CLEC16A: variants seen among roughly 807,000 people sequenced by gnomAD.
CLEC16A encodes C-type lectin domain containing 16A.
A neutral mutation model predicts 109.5 loss-of-function variants in CLEC16A; 51 were observed. The ratio of observed to expected loss-of-function variants is 0.47; its 90% CI spans 0.37 to 0.59. The LOEUF is 0.59. CLEC16A is among the 20% of genes least tolerant of loss of function. CLEC16A has a pLI of 0.00. For missense variants in CLEC16A, 1,339 were observed against 1,394.0 expected (o/e 0.96, Z 0.63); for synonymous variants, 673 against 564.2 (o/e 1.19, Z -2.73).
At chr16:11,128,431 G>A (rs1385674497) in intron 22 of CLEC16A, among the ~76,000 whole-genome samples, 2 of 152,194 alleles carry the variant, frequency 1.3e-5, no homozygotes, top group Non-Finnish European at 2.9e-5. Context: ...CTGGTCCCAG[G>A]GTCAGCAAGT....
chr16:11,029,629 T>A (rs1397578022), intron 13 of CLEC16A, among the ~76,000 whole-genome samples: 1 of 152,240 alleles, frequency 6.6e-6, no homozygotes, highest in Non-Finnish European at 1.5e-5. Context: ...CAGAGTCTGA[T>A]AACCATTGTT....
At chr16:10,992,389 GT>G (rs1319938956) in intron 10 of CLEC16A, among the ~76,000 whole-genome samples, 1 of 151,960 alleles carries the variant, frequency 6.6e-6, no homozygotes, top group Non-Finnish European at 1.5e-5. Flanking sequence ...GGAAGACAGA[GT>G]TTTGAATGTT....
intron 22 of CLEC16A, among the ~76,000 whole-genome samples, chr16:11,133,793 T>C (rs999411780): frequency 2.0e-5 from 3 of 152,084 alleles, no homozygotes; most frequent in African/African-American, 7.2e-5. Flanking sequence ...AAAAATACCC[T>C]TTCTGGAGTC....
chr16:11,133,352 A>G (rs28393710), intron 22 of CLEC16A, among the ~76,000 whole-genome samples: 5,974 of 151,090 alleles, frequency 0.04, 379 homozygotes, highest in African/African-American at 0.14. Flanking sequence ...AAAAAAAAAA[A>G]ATTTTTTTTT....
intron 19 of CLEC16A, among the ~76,000 whole-genome samples, chr16:11,090,197 G>T (rs2050227451): frequency 6.6e-6 from 1 of 152,206 alleles, no homozygotes; most frequent in African/African-American, 2.4e-5. Flanking sequence ...GGCTGCGTCA[G>T]TCATGGGAGT....
chr16:11,176,620 C>G (rs2068756947), intron 23 of CLEC16A, among the ~76,000 whole-genome samples: 1 of 152,098 alleles, frequency 6.6e-6, no homozygotes, highest in African/African-American at 2.4e-5. Flanking sequence ...GGCCTGTAGT[C>G]CCAGCTACTC....
At chr16:10,949,174 C>T (rs2041593940) in intron 1 of CLEC16A, among the ~76,000 whole-genome samples, 1 of 152,194 alleles carries the variant, frequency 6.6e-6, no homozygotes, top group Non-Finnish European at 1.5e-5. Context: ...AGACGCACAC[C>T]TACTCTTGGT....
At chr16:10,948,496 A>C (rs1460500091) in intron 1 of CLEC16A, among the ~76,000 whole-genome samples, 2 of 152,214 alleles carry the variant, frequency 1.3e-5, no homozygotes, top group African/African-American at 4.8e-5. Context: ...ACATTGACTG[A>C]CAAATGTCCA....
chr16:11,133,512 G>C (rs1446715192), intron 22 of CLEC16A, among the ~76,000 whole-genome samples: 1 of 152,146 alleles, frequency 6.6e-6, no homozygotes, highest in Non-Finnish European at 1.5e-5. Context: ...GCCCTTGGCA[G>C]CTGAGTAACT....
chr16:11,159,917 C>T (rs955083352), intron 22 of CLEC16A, among the ~76,000 whole-genome samples: 1 of 152,162 alleles, frequency 6.6e-6, no homozygotes, highest in African/African-American at 2.4e-5. Flanking sequence ...TAAGCCATCT[C>T]AAACCCTTCC....
chr16:11,105,557 C>T (rs1043019899), intron 19 of CLEC16A, among the ~76,000 whole-genome samples: 4 of 152,216 alleles, frequency 2.6e-5, no homozygotes, highest in East Asian at 1.9e-4. Context: ...AAACCAGTCA[C>T]CTCATTTTAC....
At chr16:11,132,127 A>G (rs1043861049) in intron 22 of CLEC16A, among the ~76,000 whole-genome samples, 1 of 152,146 alleles carries the variant, frequency 6.6e-6, no homozygotes, top group East Asian at 1.9e-4. Context: ...ATTCAGTGGC[A>G]TTTAGAACCT....
chr16:11,079,629 T>C (rs2049589321), intron 19 of CLEC16A, among the ~76,000 whole-genome samples: 1 of 152,246 alleles, frequency 6.6e-6, no homozygotes, highest in South Asian at 2.1e-4. Context: ...TACCCTGGCC[T>C]TTGAATTTTA....
At chr16:11,082,286 G>A (rs757375178) in intron 19 of CLEC16A, among the ~76,000 whole-genome samples, 1 of 152,230 alleles carries the variant, frequency 6.6e-6, no homozygotes, top group African/African-American at 2.4e-5. Flanking sequence ...CTCGTGGACA[G>A]TTTCTCACCC....
chr16:10,953,107 A>G (rs2041815475), intron 1 of CLEC16A, among the ~76,000 whole-genome samples: 1 of 152,246 alleles, frequency 6.6e-6, no homozygotes, highest in Admixed American at 6.5e-5. Flanking sequence ...AGAAGTTGGA[A>G]GACTTAATTA....
chr16:10,951,162 G>C (rs925743269), intron 1 of CLEC16A, among the ~76,000 whole-genome samples: 5 of 152,134 alleles, frequency 3.3e-5, no homozygotes, highest in Admixed American at 3.3e-4. Context: ...GAGTGTGTTG[G>C]TTACAGTTTC....
chr16:10,974,958 C>T lies in CLEC16A; in HGVS notation c.728+1897C>T, dbSNP rs559384427. Among the ~76,000 whole-genome samples, 3 of 152,264 alleles carry T rather than the reference C, an allele frequency of 2.0e-5. No individual in the cohort carries two copies. The East Asian group carries it at 5.8e-4, about 29-fold the overall frequency. The stretch of plus-strand genomic sequence containing the variant: ...GGTCAATAGATAATACCTAAAATGG[C>T]TCAATTGCAAAATAGGAGTCCATGC... On this transcript the variant is annotated intron_variant, in intron 7 of 23. Transcript: ENST00000409790.
At chr16:10,960,652 G>A (rs1453767273) in intron 2 of CLEC16A, among the ~76,000 whole-genome samples, 1 of 152,202 alleles carries the variant, frequency 6.6e-6, no homozygotes, top group Non-Finnish European at 1.5e-5. Flanking sequence ...TTCATGATGA[G>A]GGGGTGGGGG....
chr16:11,056,881 T>C (rs2048239008), intron 18 of CLEC16A: 1 of 152,240 alleles, frequency 6.6e-6, no homozygotes, highest in African/African-American at 2.4e-5. Flanking sequence ...TTTCTTTCTT[T>C]TCGTCGTAGC....
Sources: allele counts gnomAD v4.1 joint callset (sites outside exome capture counted in the v4.1 genomes callset), GRCh38; gene constraint gnomAD v4.1.1; transcripts MANE v1.5; gene names NCBI Gene and HGNC (gene_info 2026-07-23, HGNC 2026-07-21).